Variants in CCDC88A observed in about 807,000 individuals in gnomAD.
The protein encoded by CCDC88A is coiled-coil and HOOK domain protein 88A, also known as girdin.
A neutral mutation model predicts 234.3 loss-of-function variants in CCDC88A; 54 were observed. The observed-to-expected ratio is 0.23, with a 90% CI of 0.19 to 0.29. The LOEUF is 0.29. CCDC88A is among the 10% of genes least tolerant of loss of function. CCDC88A has a pLI of 1.00. For synonymous variants in CCDC88A, 753 were observed against 737.8 expected, an observed-to-expected ratio of 1.02 and a Z score of -0.33; for missense variants, 1,832 against 2,123.4, an observed-to-expected ratio of 0.86 and a Z score of 2.70.
intron 7 of CCDC88A, chr2:55,356,306 ATGTCCC>A (rs1458864639): frequency 6.6e-6 from 1 of 152,224 alleles, no homozygotes; most frequent in African/African-American, 2.4e-5. Context: ...AGCTTCATCC[ATGTCCC>A]TGCAAAGGAC....
chr2:55,367,528 G>GTTTTTTTTTTTTTTTGTTTTTTTTTTT, intron 5 of CCDC88A, among the ~76,000 whole-genome samples: 1 of 99,890 alleles, frequency 1.0e-5, no homozygotes, highest in African/African-American at 4.3e-5. Flanking sequence ...TTATTTCCTT[G>GTTTTTTTTTTTTTTTGTTTTTTTTTTT]TTTTTTTTTA....
chr2:55,386,978 C>T (rs565589958), intron 3 of CCDC88A, among the ~76,000 whole-genome samples: 2 of 150,566 alleles, frequency 1.3e-5, no homozygotes, highest in South Asian at 4.2e-4. Flanking sequence ...AGTTCGAGAC[C>T]AGCCTGGCCA....
chr2:55,387,062 T>C (rs1205580375), intron 3 of CCDC88A, among the ~76,000 whole-genome samples: 1 of 150,610 alleles, frequency 6.6e-6, no homozygotes, highest in African/African-American at 2.4e-5. Context: ...CTGTAATCCC[T>C]GCTACTCGGG....
At chr2:55,366,625 T>C (rs1558750877) in intron 5 of CCDC88A, among the ~76,000 whole-genome samples, 1 of 150,132 alleles carries the variant, frequency 6.7e-6, no homozygotes, top group Non-Finnish European at 1.5e-5. Flanking sequence ...AAAAAAGTGA[T>C]TAGGGTGGGA....
intron 2 of CCDC88A, among the ~76,000 whole-genome samples, chr2:55,414,838 G>A (rs1428606486): frequency 6.6e-6 from 1 of 152,112 alleles, no homozygotes; most frequent in Non-Finnish European, 1.5e-5. Context: ...GGCTGAGGCA[G>A]GCGGATCACG....
intron 9 of CCDC88A, chr2:55,349,275 A>G: frequency 2.3e-6 from 1 of 429,212 alleles, no homozygotes; most frequent in Non-Finnish European, 4.1e-6. Flanking sequence ...AAAATGTGGA[A>G]CTACCTCAGT....
intron 2 of CCDC88A, among the ~76,000 whole-genome samples, chr2:55,410,227 C>G (rs1368374810): frequency 6.6e-6 from 1 of 152,164 alleles, no homozygotes; most frequent in Non-Finnish European, 1.5e-5. Flanking sequence ...AGTACAAGAG[C>G]TTAGACCTTG....
intron 25 of CCDC88A, among the ~76,000 whole-genome samples, chr2:55,306,625 ACCT>A: frequency 6.6e-6 from 1 of 152,168 alleles, no homozygotes; most frequent in South Asian, 2.1e-4. Flanking sequence ...TCGCCCTGTC[ACCT>A]AGGCTGGAGT....
intron 3 of CCDC88A, among the ~76,000 whole-genome samples, chr2:55,383,961 C>T (rs537570539): frequency 9.2e-5 from 14 of 152,130 alleles, no homozygotes; most frequent in African/African-American, 2.6e-4. Flanking sequence ...AAAGTAATTG[C>T]GCTCAAGACT....
Position 55,355,588 on chromosome 2 carries a change from C to G in CCDC88A, c.791G>C (p.Arg264Thr). The part of the protein sequence containing the change: ...ADAKAKIRRL[R>T]QELEEKTEQL... ...AAAATCAGCAACTTACAATTCCTGCCTAAGCCTTCTTATCTTGGCTTTAGC... is the reference window on the plus strand; with the variant it reads ...AAAATCAGCAACTTACAATTCCTGCGTAAGCCTTCTTATCTTGGCTTTAGC... The change falls in exon 8 of 33, where the codon AGG (arginine) becomes ACG (threonine). Residue 264 changes from arginine to threonine, a missense_variant. Physicochemically the swap from Arg to Thr is moderately conservative, Grantham distance 71. This residue lies in a region of CCDC88A where 1,282 missense variants were observed against 1,543.6 expected (regional missense o/e 0.83). Transcript: ENST00000436346. 1 of 1,613,970 alleles carries G rather than the reference C, an allele frequency of 6.2e-7. No individual in the cohort carries two copies. Among genetic ancestry groups the G allele is most frequent in the Non-Finnish European group, 8.5e-7 (1 of 1,179,872 alleles).
intron 10 of CCDC88A, 65 bp downstream of exon 10, chr2:55,346,110 A>G: frequency 8.7e-7 from 1 of 1,152,848 alleles, no homozygotes; most frequent in Non-Finnish European, 1.2e-6. Context: ...TATTAACTGC[A>G]TTTTAAATGT....
At chr2:55,377,073 C>G (rs1157437568) in intron 3 of CCDC88A, among the ~76,000 whole-genome samples, 1 of 152,128 alleles carries the variant, frequency 6.6e-6, no homozygotes, top group Non-Finnish European at 1.5e-5. Flanking sequence ...ACCTCATGAT[C>G]CACCTGCCTC....
chr2:55,312,638 GA>G (rs1448250674), intron 22 of CCDC88A, 59 bp from the exon 23 acceptor site: 1 of 1,240,688 alleles, frequency 8.1e-7, no homozygotes, highest in Non-Finnish European at 1.2e-6. Context: ...TAAATCAACT[GA>G]AAAATATGAA....
In CCDC88A at chr2:55,336,776, G is replaced by T; in HGVS notation, c.1561C>A (p.Leu521Ile). ...ENEIVQEKQSLQNCQNLSKDL... is the reference protein window; with the variant it reads ...ENEIVQEKQSIQNCQNLSKDL... ...TTGCTTAAATTCTGACAATTCTGAAGACTTTGCTTTTCTTGAACAATCTCA... is the reference window on the plus strand; with the variant it reads ...TTGCTTAAATTCTGACAATTCTGAATACTTTGCTTTTCTTGAACAATCTCA... Residue 521 changes from leucine (L) to isoleucine (I), a missense_variant, in exon 14 of 33, where the codon CTT becomes ATT. Transcript: ENST00000436346. The T allele has an allele frequency of 6.3e-7, 1 of 1,592,320 alleles. No homozygotes were observed. Among genetic ancestry groups the T allele is most frequent in the South Asian group, 1.1e-5 (1 of 87,994 alleles).
At chr2:55,388,066 A>G (rs1675999170) in intron 3 of CCDC88A, among the ~76,000 whole-genome samples, 2 of 152,196 alleles carry the variant, frequency 1.3e-5, no homozygotes, top group South Asian at 4.1e-4. Flanking sequence ...CTGCGCCCAA[A>G]CAATTGGAGA....
At chr2:55,393,990 CCTCT>C (rs1177237550) in intron 2 of CCDC88A, among the ~76,000 whole-genome samples, 1 of 151,820 alleles carries the variant, frequency 6.6e-6, no homozygotes, top group Admixed American at 6.6e-5. Context: ...AGGCAGTCTC[CCTCT>C]GTCACCCAGG....
intron 11 of CCDC88A, 63 bp downstream of exon 11, chr2:55,344,305 A>C: frequency 5.9e-6 from 7 of 1,181,872 alleles, no homozygotes; most frequent in South Asian, 1.9e-5. Flanking sequence ...ATACAGGGAA[A>C]TCAGCTGAAT....
rs140044022 is a variant in CCDC88A, at chr2:55,312,568, T to C, written c.3945A>G (p.Gln1315=). Residue 1315 remains glutamine, a synonymous_variant, in exon 23 of 33, where the codon CAA becomes CAG. Coordinates refer to ENST00000436346, the MANE Select transcript of CCDC88A (RefSeq NM_001365480.1). ...TTTCTTCTTCTAAATTTCCTTTAAG[T>C]TGGCTTAGCAACTGTTTAAACACAA... ...KLNNQCELLS[Q]LKGNLEEENR... 33 of 1,609,140 alleles carry C rather than the reference T, an allele frequency of 2.1e-5. No individual in the cohort carries two copies. In the African/African-American group the frequency reaches 2.4e-4, roughly 12 times the overall value.
intron 23 of CCDC88A, among the ~76,000 whole-genome samples, chr2:55,310,283 G>A (rs1283435596): frequency 2.0e-5 from 3 of 152,100 alleles, no homozygotes; most frequent in Admixed American, 2.0e-4. Context: ...AGGATATATC[G>A]GAAAGAGTGG....
Sources: gnomAD v4.1 joint callset for allele counts (sites outside exome capture counted in the v4.1 genomes callset) on GRCh38, gnomAD v4.1.1 for gene constraint, gnomAD v4.1.1 regional missense constraint, MANE v1.5 for transcripts, NCBI Gene and HGNC (gene_info 2026-07-23, HGNC 2026-07-21) for gene names.